Variants in HYDIN observed in about 807,000 individuals in gnomAD.
The protein encoded by HYDIN is HYDIN axonemal central pair apparatus protein.
Under a neutral mutation model 403.9 loss-of-function variants are expected in HYDIN, and 132 were observed. The ratio of observed to expected loss-of-function variants is 0.33; its 90% CI spans 0.28 to 0.38. The LOEUF is 0.38. Among genes scored for constraint, HYDIN ranks in the 10% least tolerant of loss-of-function variants. The probability of loss-of-function intolerance (pLI) is 1.00; values close to 1 mark genes in which losing one functional copy is unlikely to be tolerated. For missense variants in HYDIN, 2,827 were observed against 5,009.5 expected (o/e 0.56, Z 13.15); for synonymous variants, 1,202 against 1,891.7 (o/e 0.64, Z 9.46).
chr16:71,107,985 C>G (rs1490303595), intron 10 of HYDIN, among the ~76,000 whole-genome samples: 1 of 152,074 alleles, frequency 6.6e-6, no homozygotes, highest in African/African-American at 2.4e-5. Context: ...TACTACGCAG[C>G]CATAAAAAAG....
chr16:70,849,347 T>G (rs1285798671), intron 75 of HYDIN, among the ~76,000 whole-genome samples: 1 of 152,020 alleles, frequency 6.6e-6, no homozygotes, highest in African/African-American at 2.4e-5. Flanking sequence ...TTTCCAGTGG[T>G]CTCATTGCTA....
chr16:71,210,411 G>C (rs546375702), intron 1 of HYDIN, among the ~76,000 whole-genome samples: 1 of 152,212 alleles, frequency 6.6e-6, no homozygotes, highest in South Asian at 2.1e-4. Flanking sequence ...CACAGGAACA[G>C]AAAACCAGAT....
intron 18 of HYDIN, among the ~76,000 whole-genome samples, chr16:71,042,084 G>A (rs918048829): frequency 6.0e-5 from 9 of 150,452 alleles, no homozygotes; most frequent in Non-Finnish European, 1.3e-4. Flanking sequence ...TATACTTTAT[G>A]ATCAATATTT....
Position 70,878,087 on chromosome 16 carries a change from C to T in HYDIN, c.10557+1210G>A, listed in dbSNP as rs139325818. 3.9e-3 allele frequency among the ~76,000 whole-genome samples: 598 copies of T among 152,194 alleles called. 4 individuals are homozygous for T. Among genetic ancestry groups the T allele is most frequent in the African/African-American group, 0.013 (556 of 41,510 alleles). ...TAGCTCCCATAACTCCCACGTGTTG[C>T]GGGAGGGACCTGGTGGGAGGTAAAT... On this transcript the variant is annotated intron_variant, in intron 62 of 85. Transcript: ENST00000393567.
chr16:70,904,531 G>GTTTTTTTTTTTTTTTTTTTTTTTTTTTTT (rs1567802705), intron 50 of HYDIN, among the ~76,000 whole-genome samples: 1 of 22,746 alleles, frequency 4.4e-5, no homozygotes, highest in Non-Finnish European at 8.0e-5. Flanking sequence ...AGGGAGTTTC[G>GTTTTTTTTTTTTTTTTTTTTTTTTTTTTT]TTCTTGTTGC....
rs1311311550 is a variant in HYDIN, at chr16:70,805,109, G to A, written c.*2471C>T. Reference sequence around the variant, plus strand: ...CCTTCTCCTAACCTATACCTCTGGTGAATAGGTGGAAGGAGGCACATTTTG... The same window carrying A: ...CCTTCTCCTAACCTATACCTCTGGTAAATAGGTGGAAGGAGGCACATTTTG... On this transcript the variant is annotated 3_prime_UTR_variant, in exon 86 of 86. Transcript: ENST00000393567. 6.6e-6 allele frequency among the ~76,000 whole-genome samples: 1 copy of A among 152,234 alleles called. No homozygotes were observed. Among genetic ancestry groups the A allele is most frequent in the Non-Finnish European group, 1.5e-5 (1 of 68,044 alleles).
chr16:70,989,211 G>A (rs534265806), intron 25 of HYDIN, among the ~76,000 whole-genome samples: 226 of 152,098 alleles, frequency 1.5e-3, no homozygotes, highest in South Asian at 3.3e-3. Context: ...GACTGCAGGC[G>A]TGCACCACCA....
chr16:70,916,591 G>A (rs2076846268), intron 47 of HYDIN, among the ~76,000 whole-genome samples: 1 of 152,142 alleles, frequency 6.6e-6, no homozygotes, highest in African/African-American at 2.4e-5. Flanking sequence ...TTGTTCTGGA[G>A]CTAAAATTCA....
chr16:71,067,236 C>T (rs1262908776), intron 15 of HYDIN, 54 bp downstream of exon 15: 1 of 1,011,164 alleles, frequency 9.9e-7, no homozygotes. Context: ...GGAGGCAGCC[C>T]ATTACTGGAG....
At position 70,807,604 on chromosome 16, in the gene HYDIN, A is replaced by G; in HGVS notation, c.15342T>C (p.Tyr5114=). 2.5e-6 allele frequency: 4 copies of G among 1,613,556 alleles called. No homozygotes were observed. In the South Asian group the frequency reaches 4.4e-5, roughly 18 times the overall value. Residue 5114 remains tyrosine, a synonymous_variant, in exon 86 of 86, where the codon TAT becomes TAC. Coordinates refer to ENST00000393567, the MANE Select transcript of HYDIN (RefSeq NM_001270974.2). ...EGSETGVKWV[Y]YLKGITL ...ACTAAAGGGTGATCCCCTTCAGATAATAAACCCATTTAACTCCAGTCTCAC... is the reference window on the plus strand; with the variant it reads ...ACTAAAGGGTGATCCCCTTCAGATAGTAAACCCATTTAACTCCAGTCTCAC...
chr16:70,921,345 C>G lies in HYDIN; in HGVS notation c.7159-128G>C, dbSNP rs536007332. Reference sequence around the variant, plus strand: ...CGAGGATCTGGGCACCTCCCCTGCACGCTAAGGTTGTGCCTGGGAATCATC... The same window carrying G: ...CGAGGATCTGGGCACCTCCCCTGCAGGCTAAGGTTGTGCCTGGGAATCATC... On this transcript the variant is annotated intron_variant, in intron 45 of 85. Coordinates refer to ENST00000393567, the MANE Select transcript of HYDIN (RefSeq NM_001270974.2). 4.9e-6 allele frequency: 4 copies of G among 808,496 alleles called. No homozygotes were observed. The East Asian group carries it at 7.7e-5, about 16-fold the overall frequency. 50.1% of individuals were successfully genotyped at this position (808,496 alleles called of 1,614,324 possible).
Position 70,992,254 on chromosome 16 carries a change from C to T in HYDIN, c.3645-44G>A, listed in dbSNP as rs759246316. The T allele has an allele frequency of 4.0e-6, 6 of 1,517,134 alleles. No homozygotes were observed. In the African/African-American group the frequency reaches 8.5e-5, roughly 21 times the overall value. 94.0% of individuals were successfully genotyped at this position (1,517,134 alleles called of 1,614,324 possible). The stretch of plus-strand genomic sequence containing the variant: ...GGGAATAGGGGGAGACAGGAGACAT[C>T]AGTTTTTGCAAATCAGTGTTCAGTG... On this transcript the variant is annotated intron_variant, in intron 23 of 85. Coordinates refer to ENST00000393567, the MANE Select transcript of HYDIN (RefSeq NM_001270974.2).
chr16:70,808,830 G>A (rs1222388773), intron 85 of HYDIN, among the ~76,000 whole-genome samples: 1 of 152,164 alleles, frequency 6.6e-6, no homozygotes, highest in Admixed American at 6.5e-5. Flanking sequence ...AATATTAGTA[G>A]AGGTGATATA....
intron 67 of HYDIN, among the ~76,000 whole-genome samples, chr16:70,864,742 T>C (rs1259060491): frequency 6.6e-6 from 1 of 152,024 alleles, no homozygotes. Context: ...GAGTACTTTT[T>C]ATAAAAAGAG....
At chr16:71,054,588 G>A (rs1174013986) in intron 18 of HYDIN, among the ~76,000 whole-genome samples, 2 of 152,222 alleles carry the variant, frequency 1.3e-5, no homozygotes, top group Non-Finnish European at 2.9e-5. Context: ...CATAGCTGCA[G>A]TTTTCTACAG....
intron 1 of HYDIN, among the ~76,000 whole-genome samples, chr16:71,223,177 A>G (rs2079061): frequency 6.6e-5 from 10 of 152,354 alleles, no homozygotes; most frequent in African/African-American, 2.4e-4. Flanking sequence ...CCAAATAATT[A>G]CAGCCAACTG....
In HYDIN at chr16:70,860,732, C is replaced by A; in HGVS notation, c.11947G>T (p.Val3983Leu). The A allele has an allele frequency of 1.8e-6, 1 of 565,788 alleles. No individual in the cohort carries two copies. Among genetic ancestry groups the A allele is most frequent in the Non-Finnish European group, 3.0e-6 (1 of 328,806 alleles). The allele number at this position is 565,788 out of a possible 1,614,324, so 35.0% of individuals were successfully genotyped here. A position where few individuals can be genotyped will look rare whatever the true frequency, so the allele number is the denominator to read the frequency against. Residue 3983 changes from valine (V) to leucine (L), a missense_variant, in exon 70 of 86, where the codon GTG becomes TTG. Transcript: ENST00000393567. ...ATGCCCACAGTGGTGAACTCAATCA[C>A]CCGGGTGTTTGGATCCAGAGCTCCC... ...SGGALDPNTR[V>L]IEFTTVGIGG...
chr16:70,889,872 A>C (rs938736663), intron 57 of HYDIN, among the ~76,000 whole-genome samples, 168 bp from the exon 58 acceptor site: 12 of 152,248 alleles, frequency 7.9e-5, no homozygotes, highest in Admixed American at 7.9e-4. Context: ...ATCACTGACC[A>C]AACTCATTTA....
chr16:70,851,203 CAAA>C (rs4028101), intron 73 of HYDIN, among the ~76,000 whole-genome samples: 17 of 22,166 alleles, frequency 7.7e-4, no homozygotes, highest in African/African-American at 3.6e-3. Flanking sequence ...ATCAATCCTG[CAAA>C]AAAAAAAAAA....
Sources: allele counts gnomAD v4.1 joint callset (sites outside exome capture counted in the v4.1 genomes callset), GRCh38; gene constraint gnomAD v4.1.1; transcripts MANE v1.5; gene names NCBI Gene and HGNC (gene_info 2026-07-23, HGNC 2026-07-21).